TMLHE: variants seen among roughly 807,000 people sequenced by gnomAD.
TMLHE encodes trimethyllysine dioxygenase, mitochondrial.
A neutral mutation model predicts 25.7 loss-of-function variants in TMLHE; 18 were observed. The observed-to-expected ratio is 0.70, with a 90% confidence interval of 0.48 to 1.04. The LOEUF is 1.04. Ranked by LOEUF, TMLHE falls within the 50% of genes least tolerant of loss-of-function variation. The pLI is 0.00. For synonymous variants in TMLHE, 105 were observed against 97.0 expected (o/e 1.08, Z -0.49); for missense variants, 236 against 259.0 (o/e 0.91, Z 0.61).
chrX:155,549,523 T>C (rs1557339699), intron 1 of TMLHE, among the ~76,000 whole-genome samples: 1 of 110,667 alleles, frequency 9.0e-6, no homozygotes, highest in Non-Finnish European at 1.9e-5. Context: ...GGTTAATTAT[T>C]CTAATTGACT....
rs368401469 is a variant in TMLHE at position 155,573,672 on chromosome X, C to A, written c.-1-28395G>T. Among the ~76,000 whole-genome samples, 8 of 54,954 alleles carry A rather than the reference C, an allele frequency of 1.5e-4. 1 individual carries two copies. Among genetic ancestry groups the A allele is most frequent in the African/African-American group, 3.5e-4 (8 of 23,130 alleles). The allele number at this position is 54,954 out of a possible 115,157, so 47.7% of individuals were successfully genotyped here. On this transcript the variant is annotated intron_variant, in intron 1 of 7. Coordinates refer to ENST00000334398, the MANE Select transcript of TMLHE (RefSeq NM_018196.4). The stretch of plus-strand genomic sequence containing the variant: ...GCAGCCATAAAAAATGATGAGTTCA[C>A]GTCCTTTGTAGGGACATGGATGAAA...
intron 1 of TMLHE, among the ~76,000 whole-genome samples, chrX:155,598,271 T>C (rs1223226013): frequency 9.0e-6 from 1 of 110,937 alleles, no homozygotes; most frequent in Non-Finnish European, 1.9e-5. Context: ...ATTGCGGCAC[T>C]ATTCACAATA....
At chrX:155,608,262 G>A (rs1265860377) in intron 1 of TMLHE, among the ~76,000 whole-genome samples, 3 of 111,763 alleles carry the variant, frequency 2.7e-5, no homozygotes, top group Non-Finnish European at 3.8e-5. Flanking sequence ...TGTGCCTACA[G>A]CCATCTGATC....
intron 1 of TMLHE, among the ~76,000 whole-genome samples, chrX:155,546,449 C>A (rs1442827285): frequency 9.0e-6 from 1 of 111,428 alleles, no homozygotes; most frequent in Admixed American, 9.6e-5. Context: ...CTCAATTACA[C>A]CCTCAAATAT....
At chrX:155,508,726 C>T (rs2067090329) in intron 5 of TMLHE, among the ~76,000 whole-genome samples, 1 of 110,574 alleles carries the variant, frequency 9.0e-6, no homozygotes, top group Non-Finnish European at 1.9e-5. Flanking sequence ...TGACAGTACA[C>T]ACTGGATATG....
intron 5 of TMLHE, among the ~76,000 whole-genome samples, chrX:155,511,400 C>A (rs949769228): frequency 3.9e-5 from 4 of 103,785 alleles, no homozygotes; most frequent in African/African-American, 1.4e-4. Flanking sequence ...GTATAGCCTG[C>A]AGAACCATGA....
intron 1 of TMLHE, among the ~76,000 whole-genome samples, chrX:155,588,172 G>A (rs2067675554): frequency 8.9e-6 from 1 of 111,977 alleles, no homozygotes; most frequent in South Asian, 3.7e-4. Flanking sequence ...AAATGGAACA[G>A]AATAGAGAGT....
chrX:155,524,599 T>A lies in TMLHE; in HGVS notation c.215A>T (p.Asp72Val). ...LKYANTVMRF[D>V]YVWLRDHCRS... Reference sequence around the variant, plus strand: ...GCAGTGGTCTCGAAGCCAGACGTAATCAAAGCGCATCACGGTATTAGCATA... The same window carrying A: ...GCAGTGGTCTCGAAGCCAGACGTAAACAAAGCGCATCACGGTATTAGCATA... The change falls in exon 3 of 8, where the codon GAT becomes GTT. Residue 72 changes from aspartate (D) to valine (V), a missense_variant. Physicochemically the swap from Asp to Val is radical, Grantham distance 152. Around this residue, in one of 2 missense-constraint regions of TMLHE, gnomAD observed 217 missense variants for 214.6 expected, o/e 1.01. Coordinates refer to ENST00000334398, the MANE Select transcript of TMLHE (RefSeq NM_018196.4). 8.3e-7 allele frequency: 1 copy of A among 1,202,358 alleles called. No homozygotes were observed. Among genetic ancestry groups the A allele is most frequent in the Non-Finnish European group, 1.1e-6 (1 of 890,887 alleles).
rs1360362672 is a variant in TMLHE at position 155,565,492 on chromosome X, A to T, written c.-1-20215T>A. 3.7e-4 allele frequency among the ~76,000 whole-genome samples: 23 copies of T among 61,711 alleles called. 3 individuals are homozygous for T. The highest frequency in any genetic ancestry group is 7.5e-4 in the African/African-American group (21 of 27,847). The allele number at this position is 61,711 out of a possible 115,157, so 53.6% of individuals were successfully genotyped here. A position where few individuals can be genotyped will look rare whatever the true frequency, so the allele number is the denominator to read the frequency against. On this transcript the variant is annotated intron_variant, in intron 1 of 7. Coordinates refer to ENST00000334398, the MANE Select transcript of TMLHE (RefSeq NM_018196.4). ...ATTATGTCAGATGCACTGCCATGAAAGGTCTTAAAAGGACTTCTAGGGGCT... is the reference window on the plus strand; with the variant it reads ...ATTATGTCAGATGCACTGCCATGAATGGTCTTAAAAGGACTTCTAGGGGCT...
intron 3 of TMLHE, among the ~76,000 whole-genome samples, chrX:155,523,924 T>C (rs1186380806): frequency 8.9e-6 from 1 of 112,089 alleles, no homozygotes; most frequent in East Asian, 2.8e-4. Flanking sequence ...ATTTTTGAAA[T>C]GGTCATTTTT....
In TMLHE at chrX:155,599,004, C is replaced by A. The variant is rs1380645304; in HGVS notation, c.-2+13788G>T. 3.6e-5 allele frequency among the ~76,000 whole-genome samples: 4 copies of A among 111,415 alleles called. No homozygotes were observed. The Admixed American group carries it at 3.8e-4, about 11-fold the overall frequency. ...GCCACTCCTGAGACAGTGAGGTCAA[C>A]CCCTCCTAGTCCTCCTCCTTCTCAG... On this transcript the variant is annotated intron_variant, in intron 1 of 7. Coordinates refer to ENST00000334398, the MANE Select transcript of TMLHE (RefSeq NM_018196.4).
intron 1 of TMLHE, among the ~76,000 whole-genome samples, chrX:155,587,927 A>G (rs1557345475): frequency 8.9e-6 from 1 of 112,152 alleles, no homozygotes; most frequent in East Asian, 2.8e-4. Context: ...AATTACCCAA[A>G]CCAATCTACA....
Position 155,524,629 on chromosome X carries a change from A to T in TMLHE, c.185T>A (p.Leu62Gln), listed in dbSNP as rs1557336260. 3.4e-6 allele frequency: 4 copies of T among 1,167,226 alleles called. No individual in the cohort carries two copies. The South Asian group carries it at 8.4e-5, about 24-fold the overall frequency. Residue 62 changes from leucine (L) to glutamine (Q), a missense_variant, in exon 3 of 8, where the codon CTG (leucine) becomes CAG (glutamine). Transcript: ENST00000334398. ...GCGCATCACGGTATTAGCATATTTC[A>T]GCTCTAGGGAAAAGATCACATTTAT... Reference protein sequence around the residue: ...AWQQHEDHFELKYANTVMRFD... With the variant: ...AWQQHEDHFEQKYANTVMRFD...
At chrX:155,515,701 C>A (rs782115234) in intron 3 of TMLHE, among the ~76,000 whole-genome samples, 1 of 111,515 alleles carries the variant, frequency 9.0e-6, no homozygotes, top group East Asian at 2.8e-4. Flanking sequence ...ATAATTTTAA[C>A]TTATTTGCTT....
chrX:155,532,066 A>T (rs192245437), intron 2 of TMLHE, among the ~76,000 whole-genome samples: 40 of 112,339 alleles, frequency 3.6e-4, no homozygotes, highest in Admixed American at 2.5e-3. Flanking sequence ...AGACAACAAA[A>T]AAATACACAA....
At chrX:155,577,661 T>C (rs2067599592) in intron 1 of TMLHE, among the ~76,000 whole-genome samples, 2 of 111,415 alleles carry the variant, frequency 1.8e-5, no homozygotes, top group African/African-American at 6.5e-5. Context: ...AGTGGCTGAT[T>C]AGATGTAGCT....
chrX:155,548,485 C>T (rs1288692457), intron 1 of TMLHE, among the ~76,000 whole-genome samples: 1 of 108,508 alleles, frequency 9.2e-6, no homozygotes, highest in Non-Finnish European at 1.9e-5. Context: ...CCTGAAATCC[C>T]AGCACTTTGG....
In TMLHE at chrX:155,511,292, C is replaced by A. The variant is rs138177678; in HGVS notation, c.758+381G>T. Among the ~76,000 whole-genome samples the A allele has an allele frequency of 6.9e-3, 757 of 110,361 alleles. 6 individuals are homozygous for A. Among genetic ancestry groups the A allele is most frequent in the African/African-American group, 0.024 (720 of 30,334 alleles). On this transcript the variant is annotated intron_variant, in intron 5 of 7. Transcript: ENST00000334398. ...CTCCCTGACTCTCTCTCACTTGCTC[C>A]TGTTTTTGCCATGTGAACTGTTTGC...
chrX:155,508,195 CTA>C (rs1326880711), intron 5 of TMLHE, among the ~76,000 whole-genome samples: 9 of 110,520 alleles, frequency 8.1e-5, no homozygotes, highest in Non-Finnish European at 1.7e-4. Context: ...GGTAAGGTGA[CTA>C]TTAATTGACT....
Sources: gnomAD v4.1 joint callset for allele counts (sites outside exome capture counted in the v4.1 genomes callset) on GRCh38, gnomAD v4.1.1 for gene constraint, gnomAD v4.1.1 regional missense constraint, MANE v1.5 for transcripts, NCBI Gene and HGNC (gene_info 2026-07-23, HGNC 2026-07-21) for gene names.